Variants in SAAL1 observed in about 807,000 individuals in gnomAD.
The protein encoded by SAAL1 is serum amyloid A like 1.
A neutral mutation model predicts 59.8 loss-of-function variants in SAAL1; 42 were observed. That is an observed-to-expected ratio of 0.70 (90% confidence interval 0.55 to 0.91). The LOEUF is 0.91. SAAL1 is among the 40% of genes least tolerant of loss of function. The pLI, the probability that SAAL1 is intolerant of heterozygous loss-of-function variation, is 0.00. For synonymous variants in SAAL1, 191 were observed against 194.3 expected, an observed-to-expected ratio of 0.98 and a Z score of 0.14; for missense variants, 542 against 561.1, an observed-to-expected ratio of 0.97 and a Z score of 0.34.
chr11:18,099,666 A>G (rs1162393214), intron 2 of SAAL1, among the ~76,000 whole-genome samples: 3 of 152,224 alleles, frequency 2.0e-5, no homozygotes, highest in African/African-American at 7.2e-5. Context: ...GGGAACACCA[A>G]AACAAGACAG....
At chr11:18,103,075 T>C (rs1848650570) in intron 2 of SAAL1, among the ~76,000 whole-genome samples, 158 bp downstream of exon 2, 1 of 152,286 alleles carries the variant, frequency 6.6e-6, no homozygotes, top group African/African-American at 2.4e-5. Flanking sequence ...GTTTAGCATT[T>C]ATAGCCCCTG....
chr11:18,099,177 G>T (rs1319220894), intron 2 of SAAL1, among the ~76,000 whole-genome samples: 2 of 152,130 alleles, frequency 1.3e-5, no homozygotes, highest in Non-Finnish European at 2.9e-5. Context: ...AGATTCACAG[G>T]CATTATCATA....
At chr11:18,090,111 C>T in intron 6 of SAAL1, 64 bp downstream of exon 6, 1 of 1,408,046 alleles carries the variant, frequency 7.1e-7, no homozygotes, top group South Asian at 1.4e-5. Context: ...GAAATAGTTA[C>T]ATGGTTTCCT....
At chr11:18,105,599 C>T (rs1590294626) in intron 1 of SAAL1, among the ~76,000 whole-genome samples, 2 of 152,144 alleles carry the variant, frequency 1.3e-5, no homozygotes, top group South Asian at 4.1e-4. Context: ...GGATGGGGAG[C>T]AAAACCCGAG....
intron 10 of SAAL1, 62 bp downstream of exon 10, chr11:18,083,473 T>C: frequency 2.2e-6 from 2 of 917,540 alleles, no homozygotes; most frequent in Non-Finnish European, 3.2e-6. Context: ...AAAATAAAGT[T>C]TGAAGCGTTA....
intron 1 of SAAL1, 24 bp downstream of exon 1, chr11:18,105,883 C>G: frequency 6.4e-7 from 1 of 1,573,184 alleles, no homozygotes; most frequent in Non-Finnish European, 8.6e-7. Flanking sequence ...AGGGACACCC[C>G]ACGCGTGGCG....
chr11:18,092,924 A>G (rs1207471692), intron 3 of SAAL1, among the ~76,000 whole-genome samples: 1 of 152,146 alleles, frequency 6.6e-6, no homozygotes, highest in African/African-American at 2.4e-5. Context: ...GTCCCTCTTT[A>G]TCCATGGTTT....
At chr11:18,101,066 G>A (rs982625653) in intron 2 of SAAL1, among the ~76,000 whole-genome samples, 2 of 152,124 alleles carry the variant, frequency 1.3e-5, no homozygotes, top group Non-Finnish European at 2.9e-5. Flanking sequence ...ATCACAATGA[G>A]CTATCATTAC....
chr11:18,091,273 T>G (rs1848521034), intron 4 of SAAL1, among the ~76,000 whole-genome samples: 1 of 152,172 alleles, frequency 6.6e-6, no homozygotes, highest in Non-Finnish European at 1.5e-5. Flanking sequence ...TTCAACAAAT[T>G]TATATCCCAT....
intron 2 of SAAL1, among the ~76,000 whole-genome samples, chr11:18,101,843 G>C (rs994823287): frequency 7.1e-6 from 1 of 141,058 alleles, no homozygotes; most frequent in African/African-American, 2.5e-5. Context: ...AAAAGCCACT[G>C]ATATACACAA....
At chr11:18,094,171 A>AT (rs1848550125) in intron 3 of SAAL1, among the ~76,000 whole-genome samples, 1 of 152,156 alleles carries the variant, frequency 6.6e-6, no homozygotes, top group South Asian at 2.1e-4. Context: ...TTATGATTAG[A>AT]TAAGTGTGAC....
chr11:18,093,723 C>T (rs1448654094), intron 3 of SAAL1: 2 of 152,204 alleles, frequency 1.3e-5, no homozygotes, highest in East Asian at 1.9e-4. Flanking sequence ...AGATCTCCAA[C>T]TAGAACACGG....
intron 2 of SAAL1, among the ~76,000 whole-genome samples, chr11:18,102,052 G>T (rs562730149): frequency 7.2e-5 from 11 of 152,154 alleles, no homozygotes; most frequent in Non-Finnish European, 1.5e-4. Flanking sequence ...TTTCAGGGGT[G>T]ATGGGTATGC....
chr11:18,095,862 A>G (rs187981454), intron 3 of SAAL1, among the ~76,000 whole-genome samples: 36 of 152,324 alleles, frequency 2.4e-4, no homozygotes, highest in Non-Finnish European at 4.3e-4. Context: ...GTGGAAGGAA[A>G]AGTACCACTG....
Position 18,080,471 on chromosome 11 carries a change from G to A in SAAL1, c.1353C>T (p.Ile451=). ...CAAGCGCCTTATCAACTTCACGTAG[G>A]ATTTTAATAAAATCTTCCACCTGTG... The part of the protein sequence containing the change: ...YSPVVEDFIK[I]LREVDKALAD... The change falls in exon 12 of 12, where the codon ATC becomes ATT. Residue 451 remains isoleucine (I), a synonymous_variant. Transcript: ENST00000524803. 6.3e-7 allele frequency: 1 copy of A among 1,579,548 alleles called. No homozygotes were observed. The highest frequency in any genetic ancestry group is 8.5e-7 in the Non-Finnish European group (1 of 1,170,884).
At chr11:18,087,253 T>A in intron 7 of SAAL1, 28 bp from the exon 8 acceptor site, 1 of 1,420,172 alleles carries the variant, frequency 7.0e-7, no homozygotes. Flanking sequence ...AAGCACTGAA[T>A]CAACAACTTT....
intron 3 of SAAL1, among the ~76,000 whole-genome samples, chr11:18,095,185 G>A (rs1181253325): frequency 2.0e-5 from 3 of 152,154 alleles, no homozygotes; most frequent in Non-Finnish European, 4.4e-5. Flanking sequence ...TGCAGCCAAG[G>A]CTGAGAATCA....
At chr11:18,098,603 C>T (rs922442977) in intron 2 of SAAL1, among the ~76,000 whole-genome samples, 2 of 152,228 alleles carry the variant, frequency 1.3e-5, no homozygotes, top group Admixed American at 6.5e-5. Flanking sequence ...CTCAAAGAGA[C>T]AGGCAATTAT....
At chr11:18,104,505 A>G (rs1302924764) in intron 1 of SAAL1, among the ~76,000 whole-genome samples, 2 of 151,934 alleles carry the variant, frequency 1.3e-5, no homozygotes, top group Non-Finnish European at 2.9e-5. Flanking sequence ...GTCATATTAG[A>G]AAAGGCAAAG....
Sources: allele counts gnomAD v4.1 joint callset (sites outside exome capture counted in the v4.1 genomes callset), GRCh38; gene constraint gnomAD v4.1.1; transcripts MANE v1.5; gene names NCBI Gene and HGNC (gene_info 2026-07-23, HGNC 2026-07-21).